Variants in DLG2 observed in about 807,000 individuals in gnomAD.
The protein encoded by DLG2 is disks large homolog 2.
A neutral mutation model predicts 132.5 loss-of-function variants in DLG2; 45 were observed. The observed-to-expected ratio is 0.34, with a 90% CI of 0.27 to 0.44. DLG2 has a LOEUF of 0.44. DLG2 is among the 20% of genes least tolerant of loss of function. The pLI is 1.00. For synonymous variants in DLG2, 424 were observed against 419.6 expected, an observed-to-expected ratio of 1.01 and a Z score of -0.13; for missense variants, 1,045 against 1,196.9, an observed-to-expected ratio of 0.87 and a Z score of 1.87.
intron 11 of DLG2, 71 bp downstream of exon 11, chr11:84,059,244 G>C (rs558119460): frequency 1.3e-5 from 19 of 1,453,146 alleles, no homozygotes; most frequent in Non-Finnish European, 1.7e-5. Context: ...TTCATCATAC[G>C]ACTATCGTGG....
At chr11:84,926,986 C>T (rs748128282) in intron 6 of DLG2, among the ~76,000 whole-genome samples, 4 of 151,890 alleles carry the variant, frequency 2.6e-5, no homozygotes, top group Non-Finnish European at 2.9e-5. Flanking sequence ...AAGCCAACTA[C>T]CTTGATTCCC....
chr11:83,696,533 A>T (rs1008059497), intron 18 of DLG2, among the ~76,000 whole-genome samples: 2 of 152,206 alleles, frequency 1.3e-5, no homozygotes, highest in Non-Finnish European at 1.5e-5. Context: ...GCAAAATGGT[A>T]GTACAAAAAA....
chr11:84,958,412 A>G (rs1375893447), intron 6 of DLG2, among the ~76,000 whole-genome samples: 1 of 152,232 alleles, frequency 6.6e-6, no homozygotes, highest in Non-Finnish European at 1.5e-5. Flanking sequence ...AGCATCCCAT[A>G]TGAACCCACA....
intron 19 of DLG2, among the ~76,000 whole-genome samples, chr11:83,584,646 A>G (rs2097050269): frequency 6.6e-6 from 1 of 152,228 alleles, no homozygotes; most frequent in South Asian, 2.1e-4. Context: ...AAAATTAGAG[A>G]TAATAGAAAT....
At chr11:84,932,122 A>G (rs531007967) in intron 6 of DLG2, among the ~76,000 whole-genome samples, 7 of 152,216 alleles carry the variant, frequency 4.6e-5, no homozygotes, top group African/African-American at 1.7e-4. Flanking sequence ...CTTTAGTTTA[A>G]TTCATTCCCA....
intron 7 of DLG2, among the ~76,000 whole-genome samples, chr11:84,295,865 T>G (rs2098082726): frequency 6.6e-6 from 1 of 152,192 alleles, no homozygotes; most frequent in Non-Finnish European, 1.5e-5. Flanking sequence ...CTTACAGAAC[T>G]GAAACAAGAA....
At chr11:83,902,390 G>T (rs1271277770) in intron 15 of DLG2, among the ~76,000 whole-genome samples, 1 of 152,120 alleles carries the variant, frequency 6.6e-6, no homozygotes, top group Non-Finnish European at 1.5e-5. Flanking sequence ...TATAAAAACT[G>T]CTACATTAAC....
chr11:84,332,724 A>G (rs994132041), intron 7 of DLG2, among the ~76,000 whole-genome samples: 1 of 152,082 alleles, frequency 6.6e-6, no homozygotes, highest in African/African-American at 2.4e-5. Context: ...CATCCAATCT[A>G]TTAGGTGGTC....
chr11:83,959,910 GT>G (rs1299666568), intron 14 of DLG2, among the ~76,000 whole-genome samples: 1 of 152,010 alleles, frequency 6.6e-6, no homozygotes, highest in Non-Finnish European at 1.5e-5. Context: ...AGCACTTATT[GT>G]TAACGGTGAA....
chr11:85,384,901 C>T (rs1034072301), intron 3 of DLG2, among the ~76,000 whole-genome samples: 14 of 152,136 alleles, frequency 9.2e-5, no homozygotes, highest in South Asian at 2.1e-4. Flanking sequence ...TCAATTTCCT[C>T]GTTTGTAAAT....
intron 3 of DLG2, among the ~76,000 whole-genome samples, chr11:85,589,640 T>C (rs2079186154): frequency 6.6e-6 from 1 of 152,096 alleles, no homozygotes; most frequent in Admixed American, 6.6e-5. Context: ...CCAGTAGCGA[T>C]AGGCCCCACC....
intron 5 of DLG2, among the ~76,000 whole-genome samples, chr11:85,118,113 C>A (rs1457746629): frequency 6.6e-6 from 1 of 152,028 alleles, no homozygotes; most frequent in South Asian, 2.1e-4. Context: ...TGGGCTTATC[C>A]TTCCATTTGC....
chr11:83,971,214 G>T (rs1396949502), intron 12 of DLG2, among the ~76,000 whole-genome samples: 1 of 152,084 alleles, frequency 6.6e-6, no homozygotes, highest in African/African-American at 2.4e-5. Context: ...ATGTGAATTT[G>T]ATTGAAGTGC....
At chr11:85,213,012 T>G (rs948447279) in intron 4 of DLG2, among the ~76,000 whole-genome samples, 4 of 152,164 alleles carry the variant, frequency 2.6e-5, no homozygotes, top group Non-Finnish European at 5.9e-5. Flanking sequence ...TTTAACTCCC[T>G]TATTTCTTTA....
At chr11:84,413,754 C>T (rs957099098) in intron 7 of DLG2, among the ~76,000 whole-genome samples, 5 of 152,190 alleles carry the variant, frequency 3.3e-5, no homozygotes, top group Non-Finnish European at 7.3e-5. Flanking sequence ...ATATGATTAT[C>T]CCTGATGAGG....
intron 11 of DLG2, among the ~76,000 whole-genome samples, chr11:83,985,850 T>C (rs2093242999): frequency 6.6e-6 from 1 of 152,116 alleles, no homozygotes; most frequent in Admixed American, 6.6e-5. Flanking sequence ...TAGAATGATA[T>C]ATATTCCTTT....
intron 16 of DLG2, among the ~76,000 whole-genome samples, chr11:83,858,815 T>C (rs2154043533): frequency 6.6e-6 from 1 of 152,364 alleles, no homozygotes; most frequent in South Asian, 2.1e-4. Context: ...GGTACTGATG[T>C]GGCTTATAGT....
At chr11:84,957,559 C>T (rs1268766497) in intron 6 of DLG2, among the ~76,000 whole-genome samples, 1 of 152,166 alleles carries the variant, frequency 6.6e-6, no homozygotes, top group Non-Finnish European at 1.5e-5. Context: ...ATGCCACCTC[C>T]TCTTTGAAGT....
Position 83,469,197 on chromosome 11 carries a change from A to G in DLG2, c.2619+4T>C, listed in dbSNP as rs376781014. ...GGGAGGTGTAAGAAGATTGGTGAACATACTCTTTCTGCTACAAATCTCACA... is the reference window on the plus strand; with the variant it reads ...GGGAGGTGTAAGAAGATTGGTGAACGTACTCTTTCTGCTACAAATCTCACA... On this transcript the variant is annotated splice_donor_region_variant and intron_variant, in intron 25 of 27. Transcript: ENST00000376104. 11 of 1,600,024 alleles carry G rather than the reference A, an allele frequency of 6.9e-6. No homozygotes were observed. The Admixed American group carries it at 1.6e-4, about 23-fold the overall frequency.
Sources: gnomAD v4.1 joint callset for allele counts (sites outside exome capture counted in the v4.1 genomes callset) on GRCh38, gnomAD v4.1.1 for gene constraint, MANE v1.5 for transcripts, NCBI Gene and HGNC (gene_info 2026-07-23, HGNC 2026-07-21) for gene names.